The following SLC4A4 variants were observed in gnomAD, a reference collection of about 807,000 sequenced individuals.
SLC4A4 encodes electrogenic sodium bicarbonate cotransporter 1.
In SLC4A4, 27 loss-of-function variants were observed where a neutral mutation model predicts 111.5. The ratio of observed to expected loss-of-function variants is 0.24; its 90% CI spans 0.18 to 0.33. The LOEUF (loss-of-function observed/expected upper bound fraction) is 0.33, where lower values mean the gene tolerates loss of function less well. SLC4A4 is among the 10% of genes least tolerant of loss of function. The pLI, the probability that SLC4A4 is intolerant of heterozygous loss-of-function variation, is 1.00. For synonymous variants in SLC4A4, 443 were observed against 463.4 expected (o/e 0.96, Z 0.57); for missense variants, 909 against 1,315.5 (o/e 0.69, Z 4.78).
chr4:71,452,009 C>CTA (rs1409709180), intron 11 of SLC4A4, among the ~76,000 whole-genome samples: 1 of 152,124 alleles, frequency 6.6e-6, no homozygotes, highest in Non-Finnish European at 1.5e-5. Flanking sequence ...CCTTCCCTAC[C>CTA]ATTAGATTGT....
At chr4:71,510,597 C>T (rs574367070) in intron 16 of SLC4A4, among the ~76,000 whole-genome samples, 5 of 152,130 alleles carry the variant, frequency 3.3e-5, no homozygotes, top group African/African-American at 7.2e-5. Flanking sequence ...TTTTAAACTA[C>T]GTGTGTCCTC....
intron 6 of SLC4A4, among the ~76,000 whole-genome samples, chr4:71,396,175 A>G (rs978556095): frequency 2.6e-5 from 4 of 152,268 alleles, no homozygotes; most frequent in Middle Eastern, 3.4e-3. Context: ...TTCAAATGTT[A>G]TTTTCCTTTG....
At chr4:71,520,359 G>C (rs914093053) in intron 16 of SLC4A4, among the ~76,000 whole-genome samples, 6 of 152,126 alleles carry the variant, frequency 3.9e-5, no homozygotes, top group African/African-American at 1.2e-4. Flanking sequence ...TCTTTTATTA[G>C]TCAGATCAAC....
chr4:71,355,199 G>A (rs1421206358), intron 5 of SLC4A4, among the ~76,000 whole-genome samples: 1 of 152,194 alleles, frequency 6.6e-6, no homozygotes, highest in Non-Finnish European at 1.5e-5. Flanking sequence ...TGAGAATAGA[G>A]GGAGGCCCTG....
intron 6 of SLC4A4, among the ~76,000 whole-genome samples, chr4:71,383,246 A>G (rs1361462205): frequency 2.0e-5 from 3 of 152,180 alleles, no homozygotes; most frequent in Non-Finnish European, 2.9e-5. Context: ...CCATTAAAGA[A>G]CTTTCTATAT....
At chr4:71,254,631 T>A (rs992839559) in intron 2 of SLC4A4, among the ~76,000 whole-genome samples, 12 of 151,810 alleles carry the variant, frequency 7.9e-5, no homozygotes, top group African/African-American at 2.7e-4. Flanking sequence ...CAGTTCTAAG[T>A]CTCTATTTTG....
At chr4:71,567,295 C>A (rs768979080) in intron 25 of SLC4A4, among the ~76,000 whole-genome samples, 1 of 151,696 alleles carries the variant, frequency 6.6e-6, no homozygotes, top group Non-Finnish European at 1.5e-5. Flanking sequence ...TGGAATCTTT[C>A]AGTATCATTA....
At chr4:71,292,713 A>T (rs1724447095) in intron 3 of SLC4A4, among the ~76,000 whole-genome samples, 1 of 152,168 alleles carries the variant, frequency 6.6e-6, no homozygotes, top group South Asian at 2.1e-4. Flanking sequence ...TATTGAATTG[A>T]AATAATAAAT....
At chr4:71,253,044 A>C (rs574271090) in intron 2 of SLC4A4, among the ~76,000 whole-genome samples, 164 of 152,308 alleles carry the variant, frequency 1.1e-3, no homozygotes, top group Middle Eastern at 0.01. Context: ...GTGGAAGTGC[A>C]CAGGGAAAAC....
chr4:71,370,932 T>C (rs1426581897), intron 6 of SLC4A4, among the ~76,000 whole-genome samples: 2 of 152,200 alleles, frequency 1.3e-5, no homozygotes, highest in East Asian at 1.9e-4. Flanking sequence ...ATTTTAGTAA[T>C]GAGGGAGGAT....
intron 14 of SLC4A4, among the ~76,000 whole-genome samples, chr4:71,480,535 A>G (rs4235093): frequency 0.54 from 81,497 of 151,470 alleles, 25,064 homozygotes; most frequent in Non-Finnish European, 0.7. Flanking sequence ...CTAGAAATTA[A>G]AAGCATACAT....
chr4:71,212,915 C>T (rs922833273), intron 1 of SLC4A4, among the ~76,000 whole-genome samples: 1 of 152,164 alleles, frequency 6.6e-6, no homozygotes, highest in African/African-American at 2.4e-5. Flanking sequence ...ACAGCAGTCC[C>T]ATAAATTTAT....
At chr4:71,161,007 G>A (rs16845941) in intron 2 of SLC4A4, among the ~76,000 whole-genome samples, 27,055 of 152,112 alleles carry the variant, frequency 0.18, 2,871 homozygotes, top group South Asian at 0.34. Context: ...CAAATAAACC[G>A]TATTTTCACA....
chr4:71,308,322 G>A (rs146544854), intron 3 of SLC4A4, among the ~76,000 whole-genome samples: 1 of 152,270 alleles, frequency 6.6e-6, no homozygotes, highest in Non-Finnish European at 1.5e-5. Flanking sequence ...TTACTGTAAT[G>A]ATCTCATTAC....
intron 3 of SLC4A4, among the ~76,000 whole-genome samples, chr4:71,279,947 C>T (rs1178194053): frequency 6.6e-6 from 1 of 152,198 alleles, no homozygotes; most frequent in African/African-American, 2.4e-5. Context: ...AGGCACCTGC[C>T]ATCATGCCCG....
chr4:71,374,326 A>C (rs1238446289), intron 6 of SLC4A4, among the ~76,000 whole-genome samples: 2 of 152,230 alleles, frequency 1.3e-5, no homozygotes, highest in East Asian at 3.8e-4. Context: ...AATCTAAAGC[A>C]ATTCCAAGTA....
chr4:71,135,910 C>T (rs528831022), intron 2 of SLC4A4, among the ~76,000 whole-genome samples: 1 of 152,202 alleles, frequency 6.6e-6, no homozygotes, highest in Non-Finnish European at 1.5e-5. Context: ...CCTTGCCTAG[C>T]CAGTCTCCTG....
chr4:71,524,081 A>C (rs941825019), intron 16 of SLC4A4, among the ~76,000 whole-genome samples: 2 of 152,096 alleles, frequency 1.3e-5, no homozygotes, highest in Admixed American at 6.6e-5. Flanking sequence ...GCTACACAGA[A>C]CAAGTTAATT....
At chr4:71,075,898 T>C (rs1457156190) in intron 1 of SLC4A4, among the ~76,000 whole-genome samples, 1 of 150,940 alleles carries the variant, frequency 6.6e-6, no homozygotes, top group Admixed American at 6.6e-5. Context: ...TGGGAGGAGG[T>C]TGCAGTGAGC....
Sources: allele counts gnomAD v4.1 joint callset (sites outside exome capture counted in the v4.1 genomes callset), GRCh38; gene constraint gnomAD v4.1.1; transcripts MANE v1.5; gene names NCBI Gene and HGNC (gene_info 2026-07-23, HGNC 2026-07-21).